The following ZDHHC14 variants were observed in gnomAD, a reference collection of about 807,000 sequenced individuals.
ZDHHC14 encodes zDHHC palmitoyltransferase 14, also known as palmitoyltransferase ZDHHC14.
In ZDHHC14, 16 loss-of-function variants were observed where a neutral mutation model predicts 47.7. The ratio of observed to expected loss-of-function variants is 0.34; its 90% CI spans 0.23 to 0.51. ZDHHC14 has a LOEUF of 0.51. Ranked by LOEUF, ZDHHC14 falls within the 20% of genes least tolerant of loss-of-function variation. ZDHHC14 has a pLI of 0.97. For synonymous variants in ZDHHC14, 293 were observed against 278.9 expected, an observed-to-expected ratio of 1.05 and a Z score of -0.50; for missense variants, 515 against 662.5, an observed-to-expected ratio of 0.78 and a Z score of 2.44.
At chr6:157,610,932 G>A (rs1212765115) in intron 3 of ZDHHC14, among the ~76,000 whole-genome samples, 1 of 152,218 alleles carries the variant, frequency 6.6e-6, no homozygotes, top group Non-Finnish European at 1.5e-5. Flanking sequence ...CTGCCTGGTC[G>A]GCCCTGTGGG....
intron 1 of ZDHHC14, among the ~76,000 whole-genome samples, chr6:157,397,792 C>T (rs1157206232): frequency 1.3e-5 from 2 of 152,228 alleles, no homozygotes. Flanking sequence ...GACTTTTCTG[C>T]AGCGCTCTGA....
intron 2 of ZDHHC14, among the ~76,000 whole-genome samples, chr6:157,588,638 C>T (rs1376534556): frequency 2.6e-5 from 4 of 152,208 alleles, no homozygotes; most frequent in East Asian, 1.9e-4. Flanking sequence ...AAGTGCTCTG[C>T]GTGAAAACGC....
At position 157,645,833 on chromosome 6, in the gene ZDHHC14, TGAG is replaced by T. The variant is rs1232673766; in HGVS notation, c.852_854del (p.Glu284del). The T allele has an allele frequency of 6.2e-7, 1 of 1,613,854 alleles. No homozygotes were observed. The highest frequency in any genetic ancestry group is 1.1e-5 in the South Asian group (1 of 91,032). On this transcript the variant is annotated inframe_deletion, in exon 6 of 9. Transcript: ENST00000359775. The stretch of plus-strand genomic sequence containing the variant: ...TGATCAGCTCCAACCAGACAACAAA[TGAG>T]GACGTAAGTTCCTGACCACACGGGA...
In ZDHHC14 at chr6:157,591,618, C is replaced by T. The variant is rs184398194; in HGVS notation, c.407-1370C>T. On this transcript the variant is annotated intron_variant, in intron 2 of 8. Coordinates refer to ENST00000359775, the MANE Select transcript of ZDHHC14 (RefSeq NM_024630.3). ...CCAGTCTCAGGTATGTCTTTATTGG[C>T]AGCATGAGAACAGACTAATACAATG... Among the ~76,000 whole-genome samples, 8 of 152,240 alleles carry T rather than the reference C, an allele frequency of 5.3e-5. No homozygotes were observed. The East Asian group carries it at 1.5e-3, about 29-fold the overall frequency.
chr6:157,382,823 A>T (rs1777241949), intron 1 of ZDHHC14, among the ~76,000 whole-genome samples: 1 of 152,218 alleles, frequency 6.6e-6, no homozygotes, highest in Non-Finnish European at 1.5e-5. Flanking sequence ...TGGATAGATC[A>T]TTGCATTCTC....
chr6:157,403,139 A>G (rs1174286606), intron 1 of ZDHHC14, among the ~76,000 whole-genome samples: 1 of 152,234 alleles, frequency 6.6e-6, no homozygotes, highest in East Asian at 1.9e-4. Context: ...TTTATTTTAG[A>G]GCACCTGCTC....
intron 1 of ZDHHC14, among the ~76,000 whole-genome samples, chr6:157,488,532 T>C (rs892648727): frequency 6.6e-6 from 1 of 152,176 alleles, no homozygotes; most frequent in African/African-American, 2.4e-5. Context: ...GCATACCCTT[T>C]TTAGGGGTAC....
chr6:157,551,951 C>A (rs1782252400), intron 2 of ZDHHC14, among the ~76,000 whole-genome samples: 2 of 152,154 alleles, frequency 1.3e-5, no homozygotes, highest in African/African-American at 4.8e-5. Flanking sequence ...AAGAGCCATT[C>A]CAGCGTTATC....
At chr6:157,621,500 C>T (rs993860737) in intron 3 of ZDHHC14, among the ~76,000 whole-genome samples, 14 of 152,092 alleles carry the variant, frequency 9.2e-5, no homozygotes, top group African/African-American at 2.7e-4. Flanking sequence ...TCTTGGGGAA[C>T]GAGGCTGGGA....
rs375424145 is a variant in ZDHHC14, at chr6:157,670,838, G to A, written c.1069-1886G>A. 5.3e-5 allele frequency among the ~76,000 whole-genome samples: 8 copies of A among 152,302 alleles called. No individual in the cohort carries two copies. In the East Asian group the frequency reaches 1.5e-3, roughly 29 times the overall value. On this transcript the variant is annotated intron_variant, in intron 8 of 8. Coordinates refer to ENST00000359775, the MANE Select transcript of ZDHHC14 (RefSeq NM_024630.3). ...CCTAATCTTTGAGCATCTAAAGCCTGCAGATTCTTGAAGACTGCAGCCCCT... is the reference window on the plus strand; with the variant it reads ...CCTAATCTTTGAGCATCTAAAGCCTACAGATTCTTGAAGACTGCAGCCCCT...
intron 1 of ZDHHC14, among the ~76,000 whole-genome samples, chr6:157,389,316 C>T (rs1338955182): frequency 1.3e-5 from 2 of 152,154 alleles, no homozygotes; most frequent in South Asian, 4.1e-4. Flanking sequence ...TTAATAGTTT[C>T]CCCCTCAGAC....
chr6:157,665,351 C>T (rs1237615642), intron 8 of ZDHHC14, among the ~76,000 whole-genome samples: 1 of 152,092 alleles, frequency 6.6e-6, no homozygotes, highest in Non-Finnish European at 1.5e-5. Flanking sequence ...ACTGAGTTAG[C>T]CGTGGGGTGT....
chr6:157,539,377 C>G (rs940962865), intron 1 of ZDHHC14, among the ~76,000 whole-genome samples: 1 of 152,032 alleles, frequency 6.6e-6, no homozygotes, highest in Admixed American at 6.5e-5. Context: ...GCACTCCAGC[C>G]TGGGCAGCAG....
rs1778253162 is a variant in ZDHHC14, at chr6:157,427,823, A to ATTG, written c.245+45559_245+45561dup. 6.6e-6 allele frequency among the ~76,000 whole-genome samples: 1 copy of ATTG among 152,060 alleles called. No individual in the cohort carries two copies. Among genetic ancestry groups the ATTG allele is most frequent in the African/African-American group, 2.4e-5 (1 of 41,384 alleles). ...TTTTCATCAAGATCCTTTCCATGAC[A>ATTG]TTGTGGCCCCCAAGGACAATGGAAT... On this transcript the variant is annotated intron_variant, in intron 1 of 8. Coordinates refer to ENST00000359775, the MANE Select transcript of ZDHHC14 (RefSeq NM_024630.3). This position sits in a 1 kb window ranked among gnomAD's most constrained non-coding sequence, Gnocchi z 4.4.
At chr6:157,659,214 A>G (rs1383489774) in intron 8 of ZDHHC14, among the ~76,000 whole-genome samples, 3 of 152,262 alleles carry the variant, frequency 2.0e-5, no homozygotes, top group South Asian at 4.1e-4. Flanking sequence ...GAAGCAGTCA[A>G]AGACTTCAGT....
At chr6:157,493,753 T>C (rs1275879800) in intron 1 of ZDHHC14, among the ~76,000 whole-genome samples, 1 of 152,256 alleles carries the variant, frequency 6.6e-6, no homozygotes, top group Non-Finnish European at 1.5e-5. Context: ...GCTTCGTGTC[T>C]GCGCACCCAG....
chr6:157,563,864 C>A (rs139350589), intron 2 of ZDHHC14, among the ~76,000 whole-genome samples: 497 of 152,294 alleles, frequency 3.3e-3, no homozygotes, highest in African/African-American at 0.011. Context: ...TGCATGGAAG[C>A]GAAACAGTGT....
intron 1 of ZDHHC14, among the ~76,000 whole-genome samples, chr6:157,525,031 TG>T (rs925308862): frequency 6.6e-6 from 1 of 152,230 alleles, no homozygotes; most frequent in Non-Finnish European, 1.5e-5. Flanking sequence ...AAGATATGGC[TG>T]GGGCTGCCAT....
At chr6:157,398,300 C>A (rs1420645006) in intron 1 of ZDHHC14, among the ~76,000 whole-genome samples, 2 of 152,118 alleles carry the variant, frequency 1.3e-5, no homozygotes, top group Non-Finnish European at 2.9e-5. Flanking sequence ...CTGGAGGGAA[C>A]CTGGCAGGGT....
Sources: gnomAD v4.1 joint callset for allele counts (sites outside exome capture counted in the v4.1 genomes callset) on GRCh38, gnomAD v4.1.1 for gene constraint, Gnocchi (gnomAD v3.1) non-coding constraint, MANE v1.5 for transcripts, NCBI Gene and HGNC (gene_info 2026-07-23, HGNC 2026-07-21) for gene names.